The following ZNF804B variants were observed in gnomAD, a reference collection of about 807,000 sequenced individuals.
ZNF804B encodes zinc finger protein 804B, also known as zinc finger 804B.
Under a neutral mutation model 101.4 loss-of-function variants are expected in ZNF804B, and 80 were observed. The observed-to-expected ratio is 0.79, with a 90% CI of 0.66 to 0.95. ZNF804B has a LOEUF of 0.95. ZNF804B is among the 40% of genes least tolerant of loss of function. The pLI, the probability that ZNF804B is intolerant of heterozygous loss-of-function variation, is 0.00. For missense variants in ZNF804B, 1,673 were observed against 1,561.9 expected (o/e 1.07, Z -1.20); for synonymous variants, 622 against 558.8 (o/e 1.11, Z -1.59).
intron 1 of ZNF804B, among the ~76,000 whole-genome samples, chr7:88,893,860 T>C (rs1792248028): frequency 6.6e-6 from 1 of 152,154 alleles, no homozygotes; most frequent in Non-Finnish European, 1.5e-5. Context: ...TTAACATTCA[T>C]TGGGGACATT....
At position 88,814,973 on chromosome 7, in the gene ZNF804B, A is replaced by T. The variant is rs1425735550; in HGVS notation, c.108+54889A>T. On this transcript the variant is annotated intron_variant, in intron 1 of 3. Transcript: ENST00000333190. ...GCTTTTAGTGGAATTATTTCTGAGG[A>T]TTAATCTTGTCCTGCAAATTTCTTG... is the stretch of plus-strand genomic sequence containing the variant. Among the ~76,000 whole-genome samples the T allele has an allele frequency of 3.3e-5, 5 of 150,752 alleles. No individual in the cohort carries two copies. The East Asian group carries it at 5.8e-4, about 17-fold the overall frequency.
At chr7:88,887,954 T>C (rs958672696) in intron 1 of ZNF804B, among the ~76,000 whole-genome samples, 1 of 152,204 alleles carries the variant, frequency 6.6e-6, no homozygotes, top group Non-Finnish European at 1.5e-5. Flanking sequence ...CAAAAATATA[T>C]GTATTACTGA....
In ZNF804B at chr7:88,794,768, T is replaced by C. The variant is rs374224740; in HGVS notation, c.108+34684T>C. On this transcript the variant is annotated intron_variant, in intron 1 of 3. Coordinates refer to ENST00000333190, the MANE Select transcript of ZNF804B (RefSeq NM_181646.5). Reference sequence around the variant, plus strand: ...TCAGCAACATCTTTTCTTTCTACATTTGCTTGTATCTTGGCCACTAGAAAC... The same window carrying C: ...TCAGCAACATCTTTTCTTTCTACATCTGCTTGTATCTTGGCCACTAGAAAC... The C allele has an allele frequency of 5.6e-6, 9 of 1,613,476 alleles. No homozygotes were observed. The African/African-American group carries it at 1.1e-4, about 19-fold the overall frequency.
intron 1 of ZNF804B, among the ~76,000 whole-genome samples, chr7:89,153,426 GATGATAATA>G (rs1319285071): frequency 3.4e-5 from 3 of 89,414 alleles, no homozygotes; most frequent in African/African-American, 1.2e-4. Flanking sequence ...TGATGATGAT[GATGATAATA>G]ATAATAATAA....
At chr7:89,075,055 G>A (rs1160965166) in intron 1 of ZNF804B, among the ~76,000 whole-genome samples, 3 of 152,136 alleles carry the variant, frequency 2.0e-5, no homozygotes, top group East Asian at 1.9e-4. Context: ...GGTGACTTGG[G>A]TACTGTTAAA....
intron 1 of ZNF804B, among the ~76,000 whole-genome samples, chr7:89,101,441 C>T (rs1211190500): frequency 6.6e-6 from 1 of 151,864 alleles, no homozygotes; most frequent in Non-Finnish European, 1.5e-5. Flanking sequence ...ACGGCTACTC[C>T]TGTTTAAAAT....
intron 1 of ZNF804B, among the ~76,000 whole-genome samples, chr7:88,966,214 C>G (rs1357635134): frequency 1.3e-5 from 2 of 151,304 alleles, no homozygotes; most frequent in African/African-American, 4.8e-5. Context: ...TAATACTTTC[C>G]TAAACAATAT....
intron 1 of ZNF804B, among the ~76,000 whole-genome samples, chr7:88,889,366 A>G (rs777524180): frequency 7.9e-5 from 12 of 152,110 alleles, no homozygotes; most frequent in African/African-American, 2.6e-4. Context: ...AGAGATCTCC[A>G]TAACGATGGC....
chr7:88,759,911 C>T lies in ZNF804B; in HGVS notation c.-66C>T. The T allele has an allele frequency of 1.4e-6, 2 of 1,446,138 alleles. No homozygotes were observed. Among genetic ancestry groups the T allele is most frequent in the African/African-American group, 1.4e-5 (1 of 71,626 alleles). 89.6% of individuals were successfully genotyped at this position (1,446,138 alleles called of 1,614,324 possible). A position where few individuals can be genotyped will look rare whatever the true frequency, so the allele number is the denominator to read the frequency against. The stretch of plus-strand genomic sequence containing the variant: ...GTAGTCGCTGTTGCCGCTGAGAAAC[C>T]CGCCCGCTTTCCACGGCTGGTCGCC... On this transcript the variant is annotated 5_prime_UTR_variant, in exon 1 of 4. Transcript: ENST00000333190.
chr7:89,078,903 C>T (rs963397774), intron 1 of ZNF804B, among the ~76,000 whole-genome samples: 1 of 151,930 alleles, frequency 6.6e-6, no homozygotes, highest in Admixed American at 6.6e-5. Flanking sequence ...TTTATTCATT[C>T]AGGTAGATTA....
chr7:89,201,021 T>A (rs1288464556), intron 1 of ZNF804B, among the ~76,000 whole-genome samples: 1 of 152,104 alleles, frequency 6.6e-6, no homozygotes, highest in Non-Finnish European at 1.5e-5. Flanking sequence ...GATTCTTATC[T>A]GAGCTTTTGC....
intron 1 of ZNF804B, among the ~76,000 whole-genome samples, chr7:88,994,558 G>T (rs1032932305): frequency 6.6e-6 from 1 of 152,038 alleles, no homozygotes; most frequent in South Asian, 2.1e-4. Context: ...GTCACTAATT[G>T]CTTCAACAAA....
chr7:89,206,926 C>T (rs1189329445), intron 1 of ZNF804B, among the ~76,000 whole-genome samples: 1 of 152,210 alleles, frequency 6.6e-6, no homozygotes. Flanking sequence ...TGCTGCCAGT[C>T]TCTTTGCTAA....
intron 1 of ZNF804B, among the ~76,000 whole-genome samples, chr7:88,830,813 A>G (rs1462650254): frequency 6.6e-6 from 1 of 151,820 alleles, no homozygotes; most frequent in African/African-American, 2.4e-5. Flanking sequence ...CATTTCTTTT[A>G]TGGTGAATGA....
At chr7:89,150,275 G>C (rs771859482) in intron 1 of ZNF804B, among the ~76,000 whole-genome samples, 1 of 151,936 alleles carries the variant, frequency 6.6e-6, no homozygotes, top group Non-Finnish European at 1.5e-5. Context: ...TTCACTAGGA[G>C]TCTTGGAATA....
intron 1 of ZNF804B, among the ~76,000 whole-genome samples, chr7:88,946,975 A>T (rs1392790253): frequency 2.0e-5 from 3 of 152,054 alleles, no homozygotes; most frequent in African/African-American, 7.2e-5. Flanking sequence ...ATACCATCTC[A>T]CGCCAGTTAG....
At chr7:88,943,434 T>C (rs187273028) in intron 1 of ZNF804B, among the ~76,000 whole-genome samples, 4 of 152,036 alleles carry the variant, frequency 2.6e-5, no homozygotes, top group Admixed American at 2.6e-4. Context: ...TACATTGTAG[T>C]ATTTTTCTTT....
chr7:89,230,293 T>C (rs1789169508), intron 2 of ZNF804B, among the ~76,000 whole-genome samples: 1 of 120,594 alleles, frequency 8.3e-6, no homozygotes, highest in South Asian at 2.9e-4. Flanking sequence ...AGGAGAGAGA[T>C]AGACATGGGG....
intron 1 of ZNF804B, among the ~76,000 whole-genome samples, chr7:88,945,702 T>G (rs573518591): frequency 1.3e-5 from 2 of 152,284 alleles, no homozygotes; most frequent in African/African-American, 4.8e-5. Flanking sequence ...TTTCATGATA[T>G]TGATTCTTCC....
Sources: gnomAD v4.1 joint callset for allele counts (sites outside exome capture counted in the v4.1 genomes callset) on GRCh38, gnomAD v4.1.1 for gene constraint, MANE v1.5 for transcripts, NCBI Gene and HGNC (gene_info 2026-07-23, HGNC 2026-07-21) for gene names.